RGS6: variants seen among roughly 807,000 people sequenced by gnomAD.
The protein encoded by RGS6 is regulator of G-protein signaling 6.
RGS6 carries 30 observed loss-of-function variants against 78.5 expected under a neutral mutation model. The observed-to-expected ratio is 0.38, with a 90% CI of 0.29 to 0.52. The LOEUF (loss-of-function observed/expected upper bound fraction) is 0.52, where lower values mean the gene tolerates loss of function less well. Among genes scored for constraint, RGS6 ranks in the 20% least tolerant of loss-of-function variants. RGS6 has a pLI of 0.85. For missense variants in RGS6, 495 were observed against 609.7 expected, an observed-to-expected ratio of 0.81 and a Z score of 1.98; for synonymous variants, 206 against 206.0, an observed-to-expected ratio of 1.00 and a Z score of 0.00.
intron 2 of RGS6, among the ~76,000 whole-genome samples, chr14:72,320,308 G>A (rs61995108): frequency 0.017 from 2,586 of 152,336 alleles, 41 homozygotes; most frequent in Non-Finnish European, 0.027. Flanking sequence ...GCTGGGCGTG[G>A]TGGCTAACAC....
chr14:72,096,860 T>C (rs1364909058), intron 2 of RGS6, among the ~76,000 whole-genome samples: 1 of 152,198 alleles, frequency 6.6e-6, no homozygotes, highest in Non-Finnish European at 1.5e-5. Context: ...AGAGGCATGG[T>C]TCATTAGGGA....
At chr14:71,947,648 C>T (rs2091732227) in intron 1 of RGS6, among the ~76,000 whole-genome samples, 1 of 152,162 alleles carries the variant, frequency 6.6e-6, no homozygotes, top group Non-Finnish European at 1.5e-5. Flanking sequence ...CCACTCTGAG[C>T]TAATTTTGTG....
intron 2 of RGS6, among the ~76,000 whole-genome samples, chr14:72,059,067 T>A (rs1249373336): frequency 6.6e-6 from 1 of 151,992 alleles, no homozygotes; most frequent in Non-Finnish European, 1.5e-5. Flanking sequence ...GCCTGGCTAA[T>A]TTTTGTATTT....
chr14:72,404,968 C>G (rs2092791258), intron 3 of RGS6, among the ~76,000 whole-genome samples: 1 of 152,078 alleles, frequency 6.6e-6, no homozygotes, highest in African/African-American at 2.4e-5. Context: ...AAGGGGGAAC[C>G]CTGGAGAAGA....
chr14:72,573,853 G>A, the RGS6 span, among the ~76,000 whole-genome samples: 2 of 152,162 alleles, frequency 1.3e-5, no homozygotes, highest in Non-Finnish European at 2.9e-5. Flanking sequence ...ACATGCACGT[G>A]CACACACACG....
chr14:72,443,731 A>G (rs772529352), intron 3 of RGS6, among the ~76,000 whole-genome samples: 1 of 152,198 alleles, frequency 6.6e-6, no homozygotes, highest in Non-Finnish European at 1.5e-5. Context: ...CATCCCAGAA[A>G]TATGCTCAGC....
chr14:72,496,038 T>C (rs1441146306), intron 13 of RGS6, among the ~76,000 whole-genome samples: 1 of 152,244 alleles, frequency 6.6e-6, no homozygotes, highest in Non-Finnish European at 1.5e-5. Context: ...ACATTGTCTT[T>C]CACTTTTGCC....
chr14:72,207,106 G>A (rs2042900871), intron 2 of RGS6, among the ~76,000 whole-genome samples: 1 of 152,062 alleles, frequency 6.6e-6, no homozygotes, highest in African/African-American at 2.4e-5. Context: ...TTATTTTTAA[G>A]CAAATTAAGA....
chr14:72,059,379 T>C (rs548857531), intron 2 of RGS6, among the ~76,000 whole-genome samples: 14 of 152,176 alleles, frequency 9.2e-5, no homozygotes, highest in Admixed American at 9.2e-4. Flanking sequence ...GCAGGGACTT[T>C]GGGATGGAGT....
chr14:72,618,067 T>TG, the RGS6 span, among the ~76,000 whole-genome samples: 1 of 151,766 alleles, frequency 6.6e-6, no homozygotes, highest in East Asian at 1.9e-4. Context: ...CATTTTTTTT[T>TG]GAAAACAAGA....
chr14:72,135,952 A>G (rs2096432108), intron 2 of RGS6, among the ~76,000 whole-genome samples: 2 of 152,064 alleles, frequency 1.3e-5, no homozygotes, highest in Admixed American at 1.3e-4. Flanking sequence ...TTTTTGCATG[A>G]TCTCAATTTT....
chr14:72,386,653 G>A (rs1472534568), intron 3 of RGS6, among the ~76,000 whole-genome samples: 4 of 152,206 alleles, frequency 2.6e-5, no homozygotes, highest in African/African-American at 4.8e-5. Context: ...GATGCAGGCT[G>A]TGTTGATGGG....
chr14:72,250,257 T>C (rs1158518490), intron 2 of RGS6, among the ~76,000 whole-genome samples: 1 of 151,704 alleles, frequency 6.6e-6, no homozygotes, highest in Non-Finnish European at 1.5e-5. Flanking sequence ...AAAAAGTAAC[T>C]GTGTTTTCTT....
intron 3 of RGS6, among the ~76,000 whole-genome samples, chr14:72,380,017 C>G (rs907169199): frequency 6.6e-6 from 1 of 151,906 alleles, no homozygotes; most frequent in Non-Finnish European, 1.5e-5. Context: ...ATCCACATAT[C>G]TATAGCCAAC....
intron 2 of RGS6, among the ~76,000 whole-genome samples, chr14:72,005,914 A>G (rs774732954): frequency 6.6e-6 from 1 of 151,518 alleles, no homozygotes; most frequent in Non-Finnish European, 1.5e-5. Flanking sequence ...TAGATGATGC[A>G]TTTCCAAGCC....
rs1400132351 is a variant in RGS6 at position 72,399,124 on chromosome 14, G to A, written c.184+46930G>A. On this transcript the variant is annotated intron_variant, in intron 3 of 17. Coordinates refer to ENST00000553525, the MANE Select transcript of RGS6 (RefSeq NM_001204424.2). The stretch of plus-strand genomic sequence containing the variant: ...GATATCCTTGTTAACTTTCTGTCTC[G>A]TTGATCTGTCTAATGTTGACAGTGG... Among the ~76,000 whole-genome samples the A allele has an allele frequency of 4.8e-5, 7 of 145,978 alleles. No individual in the cohort carries two copies. The East Asian group carries it at 6.5e-4, about 14-fold the overall frequency.
intron 17 of RGS6, among the ~76,000 whole-genome samples, chr14:72,551,543 G>A (rs899537889): frequency 5.3e-5 from 8 of 152,168 alleles, no homozygotes; most frequent in Admixed American, 5.2e-4. Flanking sequence ...ACTACTGAAG[G>A]TGGCCTGCTC....
intron 3 of RGS6, among the ~76,000 whole-genome samples, chr14:72,412,886 G>A (rs377538867): frequency 7.3e-5 from 11 of 149,930 alleles, no homozygotes; most frequent in South Asian, 6.3e-4. Flanking sequence ...TTTTGAGTGA[G>A]TTTCTTAATC....
chr14:72,458,134 C>T (rs946640840), intron 4 of RGS6, 137 bp from the exon 5 acceptor site: 1 of 641,746 alleles, frequency 1.6e-6, no homozygotes, highest in Non-Finnish European at 2.7e-6. Context: ...TCCTCACCCC[C>T]ACACTGAGCA....
Sources: gnomAD v4.1 joint callset for allele counts (sites outside exome capture counted in the v4.1 genomes callset) on GRCh38, gnomAD v4.1.1 for gene constraint, MANE v1.5 for transcripts, NCBI Gene and HGNC (gene_info 2026-07-23, HGNC 2026-07-21) for gene names.